The following FCHO1 variants were observed in gnomAD, a reference collection of about 807,000 sequenced individuals.
FCHO1 encodes the protein FCH and mu domain containing endocytic adaptor 1, also known as F-BAR domain only protein 1.
Under a neutral mutation model 114.4 loss-of-function variants are expected in FCHO1, and 45 were observed. The observed-to-expected ratio is 0.39, with a 90% CI of 0.31 to 0.50. The LOEUF (loss-of-function observed/expected upper bound fraction) is 0.50. Ranked by LOEUF, FCHO1 falls within the 20% of genes least tolerant of loss-of-function variation. The pLI, the probability that FCHO1 is intolerant of heterozygous loss-of-function variation, is 0.77. For synonymous variants in FCHO1, 480 were observed against 488.9 expected (o/e 0.98, Z 0.24); for missense variants, 1,042 against 1,209.6 (o/e 0.86, Z 2.06).
At chr19:17,766,916 G>A (rs995695724) in intron 7 of FCHO1, 106 bp downstream of exon 7, 4 of 1,207,828 alleles carry the variant, frequency 3.3e-6, no homozygotes, top group Admixed American at 5.1e-5. Flanking sequence ...GTCCGCCTCC[G>A]AGAATTCCGT....
intron 27 of FCHO1, among the ~76,000 whole-genome samples, 177 bp downstream of exon 27, chr19:17,786,806 G>A (rs1055780284): frequency 2.0e-5 from 3 of 151,932 alleles, no homozygotes; most frequent in Non-Finnish European, 4.4e-5. Flanking sequence ...TAATCCCAGT[G>A]CTTTGGGAGG....
At position 17,751,502 on chromosome 19, in the gene FCHO1, C is replaced by T. The variant is rs942001183; in HGVS notation, c.-258C>T. 6.6e-6 allele frequency: 1 copy of T among 152,274 alleles called. No homozygotes were observed. Among genetic ancestry groups the T allele is most frequent in the African/African-American group, 2.4e-5 (1 of 41,424 alleles). 9.4% of individuals were successfully genotyped at this position (152,274 alleles called of 1,614,324 possible). On this transcript the variant is annotated 5_prime_UTR_variant, in exon 1 of 29. The change creates a new upstream start codon in the 5' untranslated region. Coordinates refer to ENST00000596536, the MANE Select transcript of FCHO1 (RefSeq NM_015122.3). The surrounding 1 kb of genome is among the most constrained non-coding windows in gnomAD (Gnocchi z 4.4). ...ACACAAGCCTCCAACTTGGTGCTGA[C>T]GGAAGTGGCCTCGTGGCTGTCTCCT...
intron 20 of FCHO1, 132 bp downstream of exon 20, chr19:17,779,016 GCA>G (rs1568363231): frequency 3.1e-6 from 3 of 981,822 alleles, no homozygotes; most frequent in Non-Finnish European, 4.3e-6. Context: ...TCCCACCGTT[GCA>G]GGGACAACAA....
Position 17,764,441 on chromosome 19 carries a change from C to T in FCHO1, c.186C>T (p.Thr62=), listed in dbSNP as rs2087859604. ...TCTCCAAGCTGGCCAGCAACGGGAC[C>T]CCCATGGGGTGAGTGGGGTAGGGGT... is the stretch of plus-strand genomic sequence containing the variant. ...AKLSKLASNG[T]PMGTFAPLWE... Residue 62 remains threonine, a synonymous_variant, in exon 6 of 29, where the codon ACC becomes ACT. Transcript: ENST00000596536. The T allele has an allele frequency of 6.2e-7, 1 of 1,612,494 alleles. No individual in the cohort carries two copies. Among genetic ancestry groups the T allele is most frequent in the Non-Finnish European group, 8.5e-7 (1 of 1,179,290 alleles).
intron 4 of FCHO1, chr19:17,755,506 T>C: frequency 4.1e-6 from 1 of 246,498 alleles, no homozygotes. Flanking sequence ...CAAACTGAAC[T>C]TCCAGGACCC....
chr19:17,785,562 G>A (rs2005834), intron 26 of FCHO1, among the ~76,000 whole-genome samples: 4,657 of 152,160 alleles, frequency 0.031, 116 homozygotes, highest in Non-Finnish European at 0.051. Context: ...GGCCGGGTGC[G>A]GTGGCTCACA....
intron 7 of FCHO1, among the ~76,000 whole-genome samples, chr19:17,767,289 T>C (rs2089628093): frequency 1.3e-5 from 2 of 150,692 alleles, no homozygotes; most frequent in South Asian, 4.2e-4. Context: ...GACTCATGCC[T>C]ATAATCCCAG....
At chr19:17,783,302 T>A in intron 24 of FCHO1, 130 bp downstream of exon 24, 1 of 1,019,018 alleles carries the variant, frequency 9.8e-7, no homozygotes, top group Non-Finnish European at 1.4e-6. Flanking sequence ...AGTCTTGCTC[T>A]GTCGCCCAGG....
Position 17,781,658 on chromosome 19 carries a change from C to T in FCHO1, c.1829-54C>T, listed in dbSNP as rs564414159. The T allele has an allele frequency of 1.2e-5, 19 of 1,538,880 alleles. No homozygotes were observed. In the Admixed American group the frequency reaches 2.9e-4, roughly 23 times the overall value. On this transcript the variant is annotated intron_variant, in intron 22 of 28. Coordinates refer to ENST00000596536, the MANE Select transcript of FCHO1 (RefSeq NM_015122.3). ...GGCGGAGGGAGTCTCGAGCCTGGAG[C>T]CTATATTCACACTGTCTATCCGTTG...
At chr19:17,785,879 G>C (rs1438809140) in intron 26 of FCHO1, among the ~76,000 whole-genome samples, 3 of 150,880 alleles carry the variant, frequency 2.0e-5, no homozygotes, top group African/African-American at 7.3e-5. Context: ...TGTAGTCCCA[G>C]CTACTCGGGA....
chr19:17,753,925 C>G (rs1287537104), intron 1 of FCHO1: 1 of 152,288 alleles, frequency 6.6e-6, no homozygotes, highest in African/African-American at 2.4e-5. Context: ...CCTCGGTCCC[C>G]CAAAGTGCTG....
At chr19:17,769,199 C>T (rs1261863619) in intron 7 of FCHO1, among the ~76,000 whole-genome samples, 5 of 137,556 alleles carry the variant, frequency 3.6e-5, no homozygotes, top group Admixed American at 8.6e-5. Flanking sequence ...CGCTTAAACC[C>T]GGGAGGCGGA....
chr19:17,755,468 G>C (rs1034311232), intron 4 of FCHO1: 5 of 322,206 alleles, frequency 1.6e-5, no homozygotes, highest in Admixed American at 4.6e-5. Context: ...CCATGAAAAA[G>C]TGCAGAGTCA....
rs369028672 is a variant in FCHO1 at position 17,762,896 on chromosome 19, T to C, written c.119+43T>C. On this transcript the variant is annotated intron_variant, in intron 5 of 28. Coordinates refer to ENST00000596536, the MANE Select transcript of FCHO1 (RefSeq NM_015122.3). ...CATCCACCAGAGGCCACGCCCACCATCCTGTAGTCACGCCCACCTAATGGC... is the reference window on the plus strand; with the variant it reads ...CATCCACCAGAGGCCACGCCCACCACCCTGTAGTCACGCCCACCTAATGGC... 343 of 1,362,046 alleles carry C rather than the reference T, an allele frequency of 2.5e-4. 1 individual carries two copies. Among genetic ancestry groups the C allele is most frequent in the Admixed American group, 6.4e-4 (38 of 59,586 alleles). 84.4% of individuals were successfully genotyped at this position (1,362,046 alleles called of 1,614,324 possible).
At chr19:17,778,511 C>T in intron 19 of FCHO1, 98 bp from the exon 20 acceptor site, 1 of 1,403,740 alleles carries the variant, frequency 7.1e-7, no homozygotes, top group Non-Finnish European at 9.4e-7. Flanking sequence ...ATGGGGGCCC[C>T]CCTGACCTTC....
Position 17,786,525 on chromosome 19 carries a change from C to T in FCHO1, c.2427-49C>T, listed in dbSNP as rs781494632. 7.5e-6 allele frequency: 12 copies of T among 1,602,166 alleles called. No homozygotes were observed. In the South Asian group the frequency reaches 1.1e-4, roughly 15 times the overall value. ...GGCAGCTGAGGCAGGACCCTGGGCT[C>T]TCAGCATCCTCTCTGGGGAAGCCCT... On this transcript the variant is annotated intron_variant, in intron 26 of 28. Transcript: ENST00000596536.
chr19:17,772,851 C>G (rs879363222), intron 11 of FCHO1, 110 bp downstream of exon 11: 19 of 768,228 alleles, frequency 2.5e-5, no homozygotes, highest in Non-Finnish European at 3.8e-5. Context: ...TTAATAGAGA[C>G]GAGGTTTCAC....
Position 17,774,434 on chromosome 19 carries a change from A to G in FCHO1, c.876A>G (p.Pro292=). The change falls in exon 13 of 29, where the codon CCA becomes CCG. Residue 292 remains proline (P), a synonymous_variant. Coordinates refer to ENST00000596536, the MANE Select transcript of FCHO1 (RefSeq NM_015122.3). ...GGGGAGCCAAGGCCTTTCGCCTTCC[A>G]GGACTAAGCCGGCGGGAGCGGGAGC... The part of the protein sequence containing the change: ...RLRGAKAFRL[P]GLSRREREPE... The G allele has an allele frequency of 6.2e-7, 1 of 1,613,872 alleles. No homozygotes were observed. The highest frequency in any genetic ancestry group is 8.5e-7 in the Non-Finnish European group (1 of 1,180,008).
rs766727333 is a variant in FCHO1, at chr19:17,755,124, A to G, written c.-41A>G. ...AACTTGCCTCTCTCTTCAGACAGGC[A>G]CTGGACGGGGCCTGCAGGGGTCTCC... On this transcript the variant is annotated 5_prime_UTR_variant, in exon 4 of 29. Coordinates refer to ENST00000596536, the MANE Select transcript of FCHO1 (RefSeq NM_015122.3). The G allele has an allele frequency of 2.2e-5, 35 of 1,611,000 alleles. No homozygotes were observed. The East Asian group carries it at 2.7e-4, about 12-fold the overall frequency.
Sources: allele counts gnomAD v4.1 joint callset (sites outside exome capture counted in the v4.1 genomes callset), GRCh38; gene constraint gnomAD v4.1.1; non-coding constraint Gnocchi (gnomAD v3.1); transcripts MANE v1.5; gene names NCBI Gene and HGNC (gene_info 2026-07-23, HGNC 2026-07-21).